Variants in VPS11 observed in about 807,000 individuals in gnomAD.
The protein encoded by VPS11 is VPS11 core subunit of CORVET and HOPS complexes, also known as vacuolar protein sorting-associated protein 11 homolog.
VPS11 carries 51 observed loss-of-function variants against 106.8 expected under a neutral mutation model. The ratio of observed to expected loss-of-function variants is 0.48; its 90% CI spans 0.38 to 0.60. VPS11 has a LOEUF of 0.60. Among genes scored for constraint, VPS11 ranks in the 20% least tolerant of loss-of-function variants. The pLI is 0.00. For synonymous variants in VPS11, 453 were observed against 458.7 expected, an observed-to-expected ratio of 0.99 and a Z score of 0.16; for missense variants, 950 against 1,190.0, an observed-to-expected ratio of 0.80 and a Z score of 2.97.
chr11:119,080,122 G>A (rs1398936730), intron 14 of VPS11, among the ~76,000 whole-genome samples: 1 of 151,936 alleles, frequency 6.6e-6, no homozygotes, highest in Non-Finnish European at 1.5e-5. Context: ...GCAGTGGCGC[G>A]ATCTCAGCTC....
Position 119,073,938 on chromosome 11 carries a change from C to G in VPS11, c.1225C>G (p.Gln409Glu). The G allele has an allele frequency of 6.2e-7, 1 of 1,612,432 alleles. No homozygotes were observed. Among genetic ancestry groups the G allele is most frequent in the Non-Finnish European group, 8.5e-7 (1 of 1,179,222 alleles). ...YSKGNHDGAV[Q>E]QYIRTIGKLE... ...CAAGGGCAACCACGATGGGGCTGTC[C>G]AGCAATATATCCGGTCAGTCTGGAG... Residue 409 changes from glutamine to glutamate, a missense_variant, in exon 7 of 16, where the codon CAG becomes GAG. Physicochemically the swap from Gln to Glu is conservative, Grantham distance 29 (BLOSUM62 2). This residue lies in a region of VPS11 where 435 missense variants were observed against 630.2 expected (regional missense o/e 0.69). Transcript: ENST00000621676.
chr11:119,075,561 A>T (rs1361587552), intron 7 of VPS11, among the ~76,000 whole-genome samples: 11 of 150,312 alleles, frequency 7.3e-5, no homozygotes. Context: ...AAAAAAAAAA[A>T]AAATACAAGG....
chr11:119,077,131 G>T, intron 8 of VPS11, 48 bp downstream of exon 8: 2 of 1,579,726 alleles, frequency 1.3e-6, no homozygotes, highest in Non-Finnish European at 1.7e-6. Flanking sequence ...CACTGAGCAT[G>T]AGGTGGCTCC....
intron 2 of VPS11, 37 bp downstream of exon 2, chr11:119,069,381 C>G (rs376459149): frequency 4.3e-6 from 7 of 1,613,722 alleles, no homozygotes; most frequent in Non-Finnish European, 5.1e-6. Context: ...GATCCAGAAG[C>G]CTAGGAATGA....
intron 14 of VPS11, among the ~76,000 whole-genome samples, chr11:119,080,638 G>A (rs1945818049): frequency 6.6e-6 from 1 of 152,194 alleles, no homozygotes; most frequent in Non-Finnish European, 1.5e-5. Context: ...CAAAGTGCTG[G>A]GATTACAGGT....
rs1217795266 is a variant in VPS11 at position 119,077,635 on chromosome 11, A to G, written c.1560A>G (p.Leu520=). 5.6e-6 allele frequency: 9 copies of G among 1,601,712 alleles called. No homozygotes were observed. The highest frequency in any genetic ancestry group is 7.7e-6 in the Non-Finnish European group (9 of 1,173,694). ...ATGAGTGGTACCTGAAGATCCAGCT[A>G]GAAGACATTAAGGTAGGTGAGACTG... ...AHHEWYLKIQ[L]EDIKNYQEAL... The change falls in exon 9 of 16, where the codon CTA becomes CTG. Residue 520 remains leucine (L), a synonymous_variant. Transcript: ENST00000621676.
rs1945862882 is a variant in VPS11 at position 119,081,818 on chromosome 11, C to T, written c.*195C>T. The T allele has an allele frequency of 1.4e-6, 1 of 731,210 alleles. No individual in the cohort carries two copies. Among genetic ancestry groups the T allele is most frequent in the Admixed American group, 2.9e-5 (1 of 34,368 alleles). 45.3% of individuals were successfully genotyped at this position (731,210 alleles called of 1,614,324 possible). ...GTCAGCTTGCCATCCCTCCTCTTCA[C>T]TAGCAGTGTAGATCATTCCAGATCA... On this transcript the variant is annotated 3_prime_UTR_variant, in exon 16 of 16. Coordinates refer to ENST00000621676, the MANE Select transcript of VPS11 (RefSeq NM_021729.6).
At position 119,073,373 on chromosome 11, in the gene VPS11, G is replaced by C; in HGVS notation, c.1060G>C (p.Glu354Gln). The change falls in exon 6 of 16, where the codon GAG (glutamate) becomes CAG (glutamine). Residue 354 changes from glutamate to glutamine, a missense_variant. Around this residue, in one of 3 missense-constraint regions of VPS11, gnomAD observed 435 missense variants for 630.2 expected, o/e 0.69. Coordinates refer to ENST00000621676, the MANE Select transcript of VPS11 (RefSeq NM_021729.6). ...GGATGGGCGGGTCCACGCACTGCAG[G>C]AGAAGGACACACAGACCAAACTGGA... ...TRDGRVHALQEKDTQTKLEML... is the reference protein window; with the variant it reads ...TRDGRVHALQQKDTQTKLEML... 5 of 1,613,328 alleles carry C rather than the reference G, an allele frequency of 3.1e-6. No individual in the cohort carries two copies. Among genetic ancestry groups the C allele is most frequent in the Non-Finnish European group, 4.2e-6 (5 of 1,179,888 alleles).
At chr11:119,070,027 T>TAAATAAATAAATAAATAAATAAAA (rs1252189260) in intron 3 of VPS11, among the ~76,000 whole-genome samples, 3 of 32,442 alleles carry the variant, frequency 9.2e-5, no homozygotes, top group East Asian at 2.4e-3. Context: ...AATAAATAAA[T>TAAATAAATAAATAAATAAATAAAA]AAAATAAATA....
At chr11:119,079,829 C>T (rs981547668) in intron 14 of VPS11, among the ~76,000 whole-genome samples, 1 of 152,160 alleles carries the variant, frequency 6.6e-6, no homozygotes, top group Admixed American at 6.6e-5. Flanking sequence ...CCGGCCTTGA[C>T]CTCCCAAAGT....
intron 1 of VPS11, chr11:119,068,316 A>G (rs1419573249): frequency 5.0e-6 from 2 of 401,884 alleles, no homozygotes; most frequent in Non-Finnish European, 8.8e-6. Context: ...AGTTGGCTTT[A>G]AAAGATGAAT....
intron 4 of VPS11, 37 bp downstream of exon 4, chr11:119,070,434 G>T: frequency 6.3e-7 from 1 of 1,581,694 alleles, no homozygotes; most frequent in Non-Finnish European, 8.6e-7. Context: ...AGCAGGCAGG[G>T]AGGGCTTCTC....
rs943287720 is a variant in VPS11 at position 119,074,814 on chromosome 11, C to T, written c.1238+863C>T. ...TTATATGACCAGTATGCAGTTGAGC[C>T]GATGATTACCTCTCATTTTAACCTT... is the stretch of plus-strand genomic sequence containing the variant. On this transcript the variant is annotated intron_variant, in intron 7 of 15. Transcript: ENST00000621676. 5.3e-5 allele frequency among the ~76,000 whole-genome samples: 8 copies of T among 152,030 alleles called. No homozygotes were observed. The South Asian group carries it at 6.2e-4, about 12-fold the overall frequency.
rs1415492639 is a variant in VPS11, at chr11:119,081,667, A to G, written c.*44A>G. ...TGGGCAACAGTGGAGGACCAAGAGA[A>G]CAGACACAATGGGACCTGGGCGGGC... On this transcript the variant is annotated 3_prime_UTR_variant, in exon 16 of 16. Transcript: ENST00000621676. The G allele has an allele frequency of 2.5e-6, 4 of 1,605,386 alleles. No homozygotes were observed. Among genetic ancestry groups the G allele is most frequent in the South Asian group, 2.2e-5 (2 of 90,546 alleles).
chr11:119,071,560 A>C (rs1385565099), intron 4 of VPS11, 36 bp from the exon 5 acceptor site: 1 of 1,609,296 alleles, frequency 6.2e-7, no homozygotes, highest in Admixed American at 1.7e-5. Flanking sequence ...TTACCTCCTC[A>C]AAGGAGCCTG....
rs377509352 is a variant in VPS11, at chr11:119,077,530, T to A, written c.1455T>A (p.Asp485Glu). Residue 485 changes from aspartate to glutamate, a missense_variant, in exon 9 of 16, where the codon GAT becomes GAA. Physicochemically the swap from Asp to Glu is conservative, Grantham distance 45. This residue lies in a region of VPS11 where 435 missense variants were observed against 630.2 expected (regional missense o/e 0.69). Transcript: ENST00000621676. ...KKKSESEVHF[D>E]VETAIKVLRQ... Reference sequence around the variant, plus strand: ...AGAGTGAGAGTGAAGTCCACTTTGATGTGGAGACAGCCATCAAGGTCCTCC... The same window carrying A: ...AGAGTGAGAGTGAAGTCCACTTTGAAGTGGAGACAGCCATCAAGGTCCTCC... The A allele has an allele frequency of 6.2e-7, 1 of 1,614,052 alleles. No individual in the cohort carries two copies. The highest frequency in any genetic ancestry group is 1.3e-5 in the African/African-American group (1 of 75,068).
Position 119,073,959 on chromosome 11 carries a change from T to C in VPS11, c.1238+8T>C. ...TGTCCAGCAATATATCCGGTCAGTC[T>C]GGAGGCACTTTGGGATATAGCTGTG... On this transcript the variant is annotated splice_region_variant and intron_variant, in intron 7 of 15. Coordinates refer to ENST00000621676, the MANE Select transcript of VPS11 (RefSeq NM_021729.6). The C allele has an allele frequency of 6.2e-7, 1 of 1,606,014 alleles. No homozygotes were observed. Among genetic ancestry groups the C allele is most frequent in the South Asian group, 1.1e-5 (1 of 90,844 alleles).
chr11:119,071,930 T>C, intron 5 of VPS11, 87 bp downstream of exon 5: 1 of 1,510,552 alleles, frequency 6.6e-7, no homozygotes, highest in Non-Finnish European at 8.9e-7. Context: ...GCCTGGATAC[T>C]GCCAATCTCC....
chr11:119,076,009 C>T (rs902195159), intron 7 of VPS11, among the ~76,000 whole-genome samples: 3 of 151,630 alleles, frequency 2.0e-5, no homozygotes, highest in Non-Finnish European at 4.4e-5. Context: ...GGGCGGATCA[C>T]GAGGTCAAGA....
Sources: gnomAD v4.1 joint callset for allele counts (sites outside exome capture counted in the v4.1 genomes callset) on GRCh38, gnomAD v4.1.1 for gene constraint, gnomAD v4.1.1 regional missense constraint, MANE v1.5 for transcripts, NCBI Gene and HGNC (gene_info 2026-07-23, HGNC 2026-07-21) for gene names.